BUB3: variants seen among roughly 807,000 people sequenced by gnomAD.
The protein encoded by BUB3 is mitotic checkpoint protein BUB3.
A neutral mutation model predicts 39.9 loss-of-function variants in BUB3; 22 were observed. The observed-to-expected ratio is 0.55, with a 90% CI of 0.39 to 0.79. The LOEUF is 0.79. Among genes scored for constraint, BUB3 ranks in the 30% least tolerant of loss-of-function variants. The probability of loss-of-function intolerance (pLI) is 0.00; values close to 1 mark genes in which losing one functional copy is unlikely to be tolerated. For missense variants in BUB3, 303 were observed against 415.4 expected (o/e 0.73, Z 2.35); for synonymous variants, 168 against 155.1 (o/e 1.08, Z -0.62).
At position 123,157,710 on chromosome 10, in the gene BUB3, CCTTTTTTTTTCT is replaced by C. The variant is rs528125942; in HGVS notation, c.266-16_266-5del. ...TAAGCTAGATGTTGGGGTTTTTTCC[CCTTTTTTTTTCT>C]CTATAGAAAATCTTGTTGGGACCCA... On this transcript the variant is annotated splice_polypyrimidine_tract_variant and splice_region_variant and intron_variant, in intron 3 of 7. Coordinates refer to ENST00000368865, the MANE Select transcript of BUB3 (RefSeq NM_004725.4). The C allele has an allele frequency of 2.1e-4, 321 of 1,546,228 alleles. No homozygotes were observed. The African/African-American group carries it at 4.2e-3, about 20-fold the overall frequency.
rs1190504731 is a variant in BUB3, at chr10:123,170,389, A to C, written c.*6554A>C. The C allele has an allele frequency of 6.6e-6, 1 of 152,184 alleles. No individual in the cohort carries two copies. The highest frequency in any genetic ancestry group is 1.5e-5 in the Non-Finnish European group (1 of 68,042). The allele number at this position is 152,184 out of a possible 1,614,324, so 9.4% of individuals were successfully genotyped here. A position where few individuals can be genotyped will look rare whatever the true frequency, so the allele number is the denominator to read the frequency against. ...AGAAAAACTCAGGATCATACCCATA[A>C]ACCCACTGTTTAGATTTTAAAAAGT... is the stretch of plus-strand genomic sequence containing the variant. On this transcript the variant is annotated 3_prime_UTR_variant, in exon 8 of 8. Transcript: ENST00000368865.
intron 7 of BUB3, chr10:123,163,165 A>G (rs996444780): frequency 8.1e-6 from 2 of 248,318 alleles, no homozygotes; most frequent in East Asian, 1.3e-4. Flanking sequence ...AGTAAATTCT[A>G]TTTAAGATGT....
Position 123,162,269 on chromosome 10 carries a change from G to T in BUB3, c.610G>T (p.Ala204Ser), listed in dbSNP as rs1243212017. The T allele has an allele frequency of 6.2e-7, 1 of 1,614,094 alleles. No individual in the cohort carries two copies. Among genetic ancestry groups the T allele is most frequent in the Non-Finnish European group, 8.5e-7 (1 of 1,180,012 alleles). ...YVLSSIEGRV[A>S]VEYLDPSPEV... is the part of the protein sequence containing the mutation. ...ATTAAGCTCTATTGAAGGCCGAGTG[G>T]CAGTTGAGTATTTGGACCCAAGCCC... Residue 204 changes from alanine to serine, a missense_variant, in exon 6 of 8, where the codon GCA (alanine) becomes TCA (serine). By Grantham distance (99) the Ala-to-Ser change is moderately conservative. Around this residue, in one of 2 missense-constraint regions of BUB3, gnomAD observed 182 missense variants for 293.1 expected, o/e 0.62. Coordinates refer to ENST00000368865, the MANE Select transcript of BUB3 (RefSeq NM_004725.4).
At chr10:123,161,532 T>C (rs916909479) in intron 5 of BUB3, among the ~76,000 whole-genome samples, 5 of 152,226 alleles carry the variant, frequency 3.3e-5, no homozygotes, top group African/African-American at 9.6e-5. Flanking sequence ...TACTTTGTAA[T>C]GGAAGTTAAA....
chr10:123,159,448 A>G (rs1844391269), intron 4 of BUB3, among the ~76,000 whole-genome samples: 1 of 152,260 alleles, frequency 6.6e-6, no homozygotes, highest in African/African-American at 2.4e-5. Flanking sequence ...TTAATTGAAA[A>G]TAATAGAGCA....
chr10:123,155,458 T>G (rs1160454168), intron 2 of BUB3, among the ~76,000 whole-genome samples, 200 bp from the exon 3 acceptor site: 1 of 152,224 alleles, frequency 6.6e-6, no homozygotes, highest in East Asian at 1.9e-4. Flanking sequence ...TTGGCTAGGA[T>G]AAAGCAGCCC....
Position 123,154,907 on chromosome 10 carries a change from C to T in BUB3, c.1-11C>T, listed in dbSNP as rs1276216752. On this transcript the variant is annotated splice_polypyrimidine_tract_variant and intron_variant, in intron 1 of 7. Transcript: ENST00000368865. ...CGGGACCCCTGGGGACTCTGGGCGC[C>T]TGTTCTGCAGATGACCGGTTCTAAC... 1 of 1,600,694 alleles carries T rather than the reference C, an allele frequency of 6.2e-7. No homozygotes were observed. The highest frequency in any genetic ancestry group is 1.7e-5 in the Admixed American group (1 of 58,630).
Position 123,164,139 on chromosome 10 carries a change from A to C in BUB3, c.*304A>C. On this transcript the variant is annotated 3_prime_UTR_variant, in exon 8 of 8. Coordinates refer to ENST00000368865, the MANE Select transcript of BUB3 (RefSeq NM_004725.4). ...GATTTTTTGTTTCCACTGTGGAAAT[A>C]AATGTTTGTAAATAAGTGTAATAAA... 1.9e-6 allele frequency: 2 copies of C among 1,075,912 alleles called. No homozygotes were observed. The highest frequency in any genetic ancestry group is 8.2e-5 in the South Asian group (2 of 24,250). The allele number at this position is 1,075,912 out of a possible 1,614,324, so 66.6% of individuals were successfully genotyped here.
chr10:123,164,025 GT>G lies in BUB3; in HGVS notation c.*193del. The stretch of plus-strand genomic sequence containing the variant: ...AACACCTTCTTAAGTGCATGAGATG[GT>G]TTGATGGTTTGCTGCATTAAAGGTA... On this transcript the variant is annotated 3_prime_UTR_variant, in exon 8 of 8. Coordinates refer to ENST00000368865, the MANE Select transcript of BUB3 (RefSeq NM_004725.4). The G allele has an allele frequency of 7.8e-7, 1 of 1,281,134 alleles. No homozygotes were observed. Among genetic ancestry groups the G allele is most frequent in the South Asian group, 2.8e-5 (1 of 36,280 alleles). The allele number at this position is 1,281,134 out of a possible 1,614,324, so 79.4% of individuals were successfully genotyped here.
intron 2 of BUB3, 98 bp downstream of exon 2, chr10:123,155,210 G>T: frequency 7.4e-7 from 1 of 1,350,082 alleles, no homozygotes; most frequent in Admixed American, 2.6e-5. Context: ...GGCGTCTGTC[G>T]GTGGGGTTAT....
Position 123,170,193 on chromosome 10 carries a change from T to C in BUB3, c.*6358T>C, listed in dbSNP as rs1844532320. 6.6e-6 allele frequency: 1 copy of C among 152,336 alleles called. No homozygotes were observed. The highest frequency in any genetic ancestry group is 2.4e-5 in the African/African-American group (1 of 41,576). 9.4% of individuals were successfully genotyped at this position (152,336 alleles called of 1,614,324 possible). A position where few individuals can be genotyped will look rare whatever the true frequency, so the allele number is the denominator to read the frequency against. Reference sequence around the variant, plus strand: ...GACAGTGAGTTGAAAATATCTACTCTCTTTGGATGAAAAATATTTAACACT... The same window carrying C: ...GACAGTGAGTTGAAAATATCTACTCCCTTTGGATGAAAAATATTTAACACT... On this transcript the variant is annotated 3_prime_UTR_variant, in exon 8 of 8. Coordinates refer to ENST00000368865, the MANE Select transcript of BUB3 (RefSeq NM_004725.4).
chr10:123,167,710 T>G lies in BUB3; in HGVS notation c.*3875T>G, dbSNP rs1844508375. 1.3e-5 allele frequency: 2 copies of G among 152,196 alleles called. No individual in the cohort carries two copies. The highest frequency in any genetic ancestry group is 1.5e-5 in the Non-Finnish European group (1 of 68,032). 9.4% of individuals were successfully genotyped at this position (152,196 alleles called of 1,614,324 possible). A position where few individuals can be genotyped will look rare whatever the true frequency, so the allele number is the denominator to read the frequency against. ...GTGATATGTTTACTGCAGAAAAATT[T>G]GGATAGCATGCAAAAAATGAAACAT... On this transcript the variant is annotated 3_prime_UTR_variant, in exon 8 of 8. Transcript: ENST00000368865.
chr10:123,157,551 G>T (rs549607646), intron 3 of BUB3, among the ~76,000 whole-genome samples, 178 bp from the exon 4 acceptor site: 1 of 152,326 alleles, frequency 6.6e-6, no homozygotes, highest in South Asian at 2.1e-4. Flanking sequence ...AGAGAGGAAC[G>T]GATAACTTTG....
chr10:123,162,271 A>C lies in BUB3; in HGVS notation c.612A>C (p.Ala204=), dbSNP rs758944167. Residue 204 remains alanine (A), a synonymous_variant, in exon 6 of 8, where the codon GCA becomes GCC. Coordinates refer to ENST00000368865, the MANE Select transcript of BUB3 (RefSeq NM_004725.4). ...TAAGCTCTATTGAAGGCCGAGTGGC[A>C]GTTGAGTATTTGGACCCAAGCCCTG... ...YVLSSIEGRV[A]VEYLDPSPEV... 2.5e-6 allele frequency: 4 copies of C among 1,614,140 alleles called. No individual in the cohort carries two copies. Among genetic ancestry groups the C allele is most frequent in the Non-Finnish European group, 3.4e-6 (4 of 1,180,010 alleles).
At chr10:123,160,658 T>C (rs1589690316) in intron 5 of BUB3, 93 bp downstream of exon 5, 1 of 1,212,302 alleles carries the variant, frequency 8.2e-7, no homozygotes, top group East Asian at 2.7e-5. Context: ...AAGCCTTCTT[T>C]TTTTTTTTCA....
chr10:123,163,367 G>T (rs1216116074), intron 7 of BUB3: 2 of 162,876 alleles, frequency 1.2e-5, no homozygotes, highest in Non-Finnish European at 2.6e-5. Flanking sequence ...TGACTGAGAA[G>T]AGCCATTTAC....
chr10:123,163,444 G>A (rs191395856), intron 7 of BUB3, among the ~76,000 whole-genome samples: 144 of 152,334 alleles, frequency 9.5e-4, no homozygotes, highest in African/African-American at 3.3e-3. Flanking sequence ...AGGGAAATCT[G>A]ATACTTCAGC....
In BUB3 at chr10:123,165,918, T is replaced by C. The variant is rs1426704265; in HGVS notation, c.*2083T>C. ...CACTTGGTTGAGGACAGACCATAAG[T>C]TTAAAACATTGTATAAGTGAAAGAA... is the stretch of plus-strand genomic sequence containing the variant. On this transcript the variant is annotated 3_prime_UTR_variant, in exon 8 of 8. Transcript: ENST00000368865. 1.3e-5 allele frequency: 2 copies of C among 152,178 alleles called. No individual in the cohort carries two copies. The highest frequency in any genetic ancestry group is 6.5e-5 in the Admixed American group (1 of 15,286). The allele number at this position is 152,178 out of a possible 1,614,324, so 9.4% of individuals were successfully genotyped here.
chr10:123,163,004 G>A (rs1011676453), intron 7 of BUB3, 176 bp downstream of exon 7: 6 of 622,010 alleles, frequency 9.6e-6, no homozygotes, highest in Admixed American at 3.5e-5. Context: ...GTTGATAGAC[G>A]TCTGATGGAT....
Sources: allele counts gnomAD v4.1 joint callset (sites outside exome capture counted in the v4.1 genomes callset), GRCh38; gene constraint gnomAD v4.1.1; regional missense constraint gnomAD v4.1.1; transcripts MANE v1.5; gene names NCBI Gene and HGNC (gene_info 2026-07-23, HGNC 2026-07-21).